The following RASSF3 variants were observed in gnomAD, a reference collection of about 807,000 sequenced individuals.
RASSF3 encodes Ras association domain family member 3.
In RASSF3, 19 loss-of-function variants were observed where a neutral mutation model predicts 19.9. The observed-to-expected ratio is 0.96, with a 90% confidence interval of 0.67 to 1.40. RASSF3 has a LOEUF of 1.40. RASSF3 is among the 40% of genes most tolerant of loss of function. The probability of loss-of-function intolerance (pLI) is 0.00; values close to 1 mark genes in which losing one functional copy is unlikely to be tolerated. For missense variants in RASSF3, 306 were observed against 289.8 expected, an observed-to-expected ratio of 1.06 and a Z score of -0.41; for synonymous variants, 110 against 104.2, an observed-to-expected ratio of 1.06 and a Z score of -0.34.
chr12:64,516,537 T>G (rs1460349958), intron 1 of RASSF3, among the ~76,000 whole-genome samples: 2 of 146,860 alleles, frequency 1.4e-5, no homozygotes, highest in African/African-American at 2.5e-5. Flanking sequence ...GAGAATGGCG[T>G]GAACCCGGGA....
At chr12:64,545,272 G>GA (rs1869034565), downstream of RASSF3, among the ~76,000 whole-genome samples, 2 of 152,032 alleles carry the variant, frequency 1.3e-5, no homozygotes, top group South Asian at 2.1e-4. Flanking sequence ...GTTTGGCTTG[G>GA]AAAAAAATGT....
intron 1 of RASSF3, among the ~76,000 whole-genome samples, chr12:64,617,076 G>A (rs566247674): frequency 6.6e-6 from 1 of 152,256 alleles, no homozygotes. Context: ...ATGAAAGCCT[G>A]CTCATTTTGG....
downstream of RASSF3, among the ~76,000 whole-genome samples, chr12:64,543,434 C>CCTG (rs1868982087): frequency 3.4e-5 from 2 of 59,564 alleles, no homozygotes; most frequent in Admixed American, 1.3e-4. Context: ...TCCCCGCCCG[C>CCTG]CCCCCCCGTG....
intron 1 of RASSF3, among the ~76,000 whole-genome samples, chr12:64,682,222 AT>A (rs533218209): frequency 1.3e-5 from 2 of 152,216 alleles, no homozygotes; most frequent in African/African-American, 4.8e-5. Flanking sequence ...GTATTACCCA[AT>A]ATACTGACCC....
chr12:64,575,546 C>A (rs1019977587), intron 2 of RASSF3: 1 of 152,094 alleles, frequency 6.6e-6, no homozygotes, highest in African/African-American at 2.4e-5. Context: ...CCCGGGCAAC[C>A]TCACCTCTGT....
chr12:64,674,876 G>A (rs1032643401), intron 1 of RASSF3, among the ~76,000 whole-genome samples: 130 of 152,084 alleles, frequency 8.5e-4, no homozygotes, highest in African/African-American at 2.8e-3. Flanking sequence ...TAGTAGCAGC[G>A]GGTGGTACAC....
downstream of RASSF3, among the ~76,000 whole-genome samples, chr12:64,543,651 G>C (rs1420866222): frequency 4.6e-5 from 7 of 150,754 alleles, no homozygotes; most frequent in Non-Finnish European, 7.4e-5. Context: ...GCACGGCGCG[G>C]GACTGGCAGG....
intron 1 of RASSF3, among the ~76,000 whole-genome samples, chr12:64,614,264 G>C (rs2136156282): frequency 6.6e-6 from 1 of 151,826 alleles, no homozygotes; most frequent in Non-Finnish European, 1.5e-5. Flanking sequence ...CTCCCGAGTA[G>C]CTGGGATCAC....
At chr12:64,682,179 A>G (rs1873149403) in intron 1 of RASSF3, among the ~76,000 whole-genome samples, 1 of 152,186 alleles carries the variant, frequency 6.6e-6, no homozygotes, top group Non-Finnish European at 1.5e-5. Context: ...AAGCTAGGGA[A>G]TGAACACATT....
At chr12:64,556,647 A>G (rs1256827216) in intron 2 of RASSF3, among the ~76,000 whole-genome samples, 2 of 152,064 alleles carry the variant, frequency 1.3e-5, no homozygotes, top group African/African-American at 2.4e-5. Flanking sequence ...TATGCTCGCC[A>G]CAGCAGAAGA....
intron 1 of RASSF3, among the ~76,000 whole-genome samples, chr12:64,644,590 G>A (rs1175203384): frequency 4.6e-5 from 7 of 151,972 alleles, no homozygotes; most frequent in Non-Finnish European, 8.8e-5. Context: ...CCAGCTACCC[G>A]GGAGGCTAAG....
At chr12:64,523,526 C>A (rs1423428947) in intron 1 of RASSF3, among the ~76,000 whole-genome samples, 2 of 152,160 alleles carry the variant, frequency 1.3e-5, no homozygotes, top group African/African-American at 4.8e-5. Context: ...GGTCAAGCAG[C>A]CTTCAGTGGG....
chr12:64,622,929 T>C (rs1870836554), intron 1 of RASSF3, among the ~76,000 whole-genome samples: 1 of 152,020 alleles, frequency 6.6e-6, no homozygotes, highest in Non-Finnish European at 1.5e-5. Context: ...CAAGTGATTC[T>C]TCAGTCTCAG....
At chr12:64,563,463 C>A (rs1190084090) in intron 2 of RASSF3, among the ~76,000 whole-genome samples, 1 of 152,198 alleles carries the variant, frequency 6.6e-6, no homozygotes, top group Non-Finnish European at 1.5e-5. Context: ...AGCCACCACA[C>A]CTGGCCAGAA....
At chr12:64,578,338 C>T (rs184826680) in intron 2 of RASSF3, among the ~76,000 whole-genome samples, 12 of 152,248 alleles carry the variant, frequency 7.9e-5, no homozygotes, top group African/African-American at 2.9e-4. Flanking sequence ...CCCAGGGAGG[C>T]AGAGGTTATT....
chr12:64,662,554 T>C (rs1214121292), intron 1 of RASSF3, among the ~76,000 whole-genome samples: 1 of 152,042 alleles, frequency 6.6e-6, no homozygotes, highest in African/African-American at 2.4e-5. Flanking sequence ...GGGTGACAGA[T>C]TGAGACCCTG....
At chr12:64,574,196 A>G (rs936767793) in intron 2 of RASSF3, among the ~76,000 whole-genome samples, 3 of 151,716 alleles carry the variant, frequency 2.0e-5, no homozygotes, top group African/African-American at 7.3e-5. Context: ...TTGTAGTCCC[A>G]GCTACTCAGG....
chr12:64,697,085 T>C lies in RASSF3; in HGVS notation c.*2173T>C, dbSNP rs556822741. On this transcript the variant is annotated 3_prime_UTR_variant, in exon 5 of 5. Coordinates refer to ENST00000542104, the MANE Select transcript of RASSF3 (RefSeq NM_178169.4). ...ATTTTTTTTTTTTTTTTTTTTTTAC[T>C]TGAAGTAGATTGTCTGAATAGGCAT... is the stretch of plus-strand genomic sequence containing the variant. 2 of 150,540 alleles carry C rather than the reference T, an allele frequency of 1.3e-5. No individual in the cohort carries two copies. The highest frequency in any genetic ancestry group is 3.9e-4 in the East Asian group (2 of 5,156). 9.3% of individuals were successfully genotyped at this position (150,540 alleles called of 1,614,324 possible).
Position 64,684,007 on chromosome 12 carries a change from A to AGT in RASSF3, c.112-779_112-778insTG, listed in dbSNP as rs1485428971. ...GAGAGAAGGAGAGAGAGAGAGAGAG[A>AGT]GAGTGAGTGTGTGTGTGTGTGTGTG... On this transcript the variant is annotated intron_variant, in intron 1 of 4. Coordinates refer to ENST00000542104, the MANE Select transcript of RASSF3 (RefSeq NM_178169.4). Among the ~76,000 whole-genome samples, 347 of 73,450 alleles carry AGT rather than the reference A, an allele frequency of 4.7e-3. 1 individual carries two copies. Among genetic ancestry groups the AGT allele is most frequent in the Admixed American group, 6.3e-3 (44 of 7,016 alleles). 48.2% of individuals were successfully genotyped at this position (73,450 alleles called of 152,430 possible).
Sources: gnomAD v4.1 joint callset for allele counts (sites outside exome capture counted in the v4.1 genomes callset) on GRCh38, gnomAD v4.1.1 for gene constraint, MANE v1.5 for transcripts, NCBI Gene and HGNC (gene_info 2026-07-23, HGNC 2026-07-21) for gene names.